PRMT8: variants seen among roughly 807,000 people sequenced by gnomAD.
PRMT8 encodes protein arginine methyltransferase 8.
A neutral mutation model predicts 47.1 loss-of-function variants in PRMT8; 7 were observed. That is an observed-to-expected ratio of 0.15 (90% CI 0.08 to 0.28). The LOEUF (loss-of-function observed/expected upper bound fraction) is 0.28, where lower values mean the gene tolerates loss of function less well. Among genes scored for constraint, PRMT8 ranks in the 10% least tolerant of loss-of-function variants. The probability of loss-of-function intolerance (pLI) is 1.00; values close to 1 mark genes in which losing one functional copy is unlikely to be tolerated. For missense variants in PRMT8, 237 were observed against 505.4 expected (o/e 0.47, Z 5.09); for synonymous variants, 188 against 186.5 (o/e 1.01, Z -0.07).
At chr12:3,478,307 T>TCTATCTACCTATCTAC (rs369719549) in intron 1 of PRMT8, among the ~76,000 whole-genome samples, 1 of 135,618 alleles carries the variant, frequency 7.4e-6, no homozygotes, top group Non-Finnish European at 1.6e-5. Flanking sequence ...TATCTATCTA[T>TCTATCTACCTATCTAC]CTACCTACCT....
chr12:3,468,321 C>G (rs994391205), intron 1 of PRMT8, among the ~76,000 whole-genome samples: 7 of 152,132 alleles, frequency 4.6e-5, no homozygotes, highest in Non-Finnish European at 8.8e-5. Context: ...CCATTCCCAT[C>G]GGCCAGGAGG....
chr12:3,527,944 C>T lies in PRMT8; in HGVS notation c.76-12662C>T, dbSNP rs1234481014. On this transcript the variant is annotated intron_variant, in intron 1 of 9. Coordinates refer to ENST00000382622, the MANE Select transcript of PRMT8 (RefSeq NM_019854.5). ...CTAAGTTGACAGTTTTTTCTTTTAT[C>T]TTTTTGGTCCTCTGAAGATGTTGCT... is the stretch of plus-strand genomic sequence containing the variant. 3.3e-5 allele frequency among the ~76,000 whole-genome samples: 5 copies of T among 152,006 alleles called. No homozygotes were observed. In the East Asian group the frequency reaches 9.6e-4, roughly 29 times the overall value.
intron 1 of PRMT8, among the ~76,000 whole-genome samples, chr12:3,427,587 A>G (rs1405928149): frequency 2.0e-5 from 3 of 151,536 alleles, no homozygotes; most frequent in African/African-American, 7.3e-5. Flanking sequence ...CACACCTTGC[A>G]CATAAACTGT....
chr12:3,579,636 G>C (rs1565448133), intron 7 of PRMT8, among the ~76,000 whole-genome samples: 1 of 152,138 alleles, frequency 6.6e-6, no homozygotes, highest in Non-Finnish European at 1.5e-5. Context: ...CCTTCCGCCA[G>C]CTCTCTCCTG....
At chr12:3,475,276 T>C (rs1176782472) in intron 1 of PRMT8, among the ~76,000 whole-genome samples, 1 of 152,106 alleles carries the variant, frequency 6.6e-6, no homozygotes. Context: ...AGAGGAAGTT[T>C]GGGAGGGGAA....
intron 4 of PRMT8, among the ~76,000 whole-genome samples, chr12:3,567,346 A>C (rs920363126): frequency 1.3e-5 from 2 of 152,244 alleles, no homozygotes; most frequent in African/African-American, 4.8e-5. Context: ...TCTGGCACTT[A>C]AACCTAGGTT....
At chr12:3,431,716 T>C (rs1177081355) in intron 1 of PRMT8, among the ~76,000 whole-genome samples, 2 of 152,210 alleles carry the variant, frequency 1.3e-5, no homozygotes, top group Non-Finnish European at 1.5e-5. Flanking sequence ...TCTAGAGACA[T>C]TGGCCAGAAC....
At position 3,564,691 on chromosome 12, in the gene PRMT8, A is replaced by G. The variant is rs897340137; in HGVS notation, c.482-4015A>G. Among the ~76,000 whole-genome samples the G allele has an allele frequency of 2.0e-5, 3 of 152,230 alleles. No individual in the cohort carries two copies. The highest frequency in any genetic ancestry group is 4.4e-5 in the Non-Finnish European group (3 of 68,030). On this transcript the variant is annotated intron_variant, in intron 4 of 9. Coordinates refer to ENST00000382622, the MANE Select transcript of PRMT8 (RefSeq NM_019854.5). The surrounding 1 kb of genome is among the most constrained non-coding windows in gnomAD (Gnocchi z 4.0). ...GGATCCGGACGGTGACCTCAGTGCA[A>G]CCTTGAGTTGATGCAGTTTTAGTGA...
At chr12:3,526,934 C>A (rs1438699166) in intron 1 of PRMT8, among the ~76,000 whole-genome samples, 1 of 152,046 alleles carries the variant, frequency 6.6e-6, no homozygotes, top group African/African-American at 2.4e-5. Context: ...AAAGTGATAA[C>A]CTCTAACCTC....
chr12:3,559,048 T>TCCAGCCAG (rs750707259), intron 4 of PRMT8, among the ~76,000 whole-genome samples: 3 of 152,038 alleles, frequency 2.0e-5, no homozygotes, highest in African/African-American at 7.3e-5. Flanking sequence ...TGTCCATCCA[T>TCCAGCCAG]CCAGCCAGCC....
At chr12:3,483,865 A>C (rs1242023723) in intron 1 of PRMT8, among the ~76,000 whole-genome samples, 12 of 152,238 alleles carry the variant, frequency 7.9e-5, no homozygotes, top group Non-Finnish European at 2.9e-5. Context: ...CTTACAGCCC[A>C]GTAGCCTGTA....
chr12:3,452,991 A>G (rs1177544625), intron 1 of PRMT8, among the ~76,000 whole-genome samples: 2 of 152,180 alleles, frequency 1.3e-5, no homozygotes, highest in African/African-American at 4.8e-5. Flanking sequence ...CCACACAAAG[A>G]AAACATTCCT....
rs535256656 is a variant in PRMT8 at position 3,475,572 on chromosome 12, G to A, written c.49-65034G>A. Among the ~76,000 whole-genome samples, 43 of 152,322 alleles carry A rather than the reference G, an allele frequency of 2.8e-4. No individual in the cohort carries two copies. In the Middle Eastern group the frequency reaches 0.01, roughly 36 times the overall value. ...GGCTCACCAGCCCTCTGTCCGCAGC[G>A]TCCTTATGTCTAGAGAACGCTACCA... On this transcript the variant is annotated intron_variant, in intron 1 of 9. Coordinates refer to the PRMT8 transcript ENST00000452611.
rs1159449878 is a variant in PRMT8, at chr12:3,484,722, CACTT to C, written c.49-55879_49-55876del. ...GCTCTGTTAAACGCCTCCTTCATCT[CACTT>C]ACTTCCTCTCTCAGCCTCCCTCACA... On this transcript the variant is annotated intron_variant, in intron 1 of 9. Coordinates refer to the PRMT8 transcript ENST00000452611. Among the ~76,000 whole-genome samples, 4 of 152,330 alleles carry C rather than the reference CACTT, an allele frequency of 2.6e-5. No homozygotes were observed. The East Asian group carries it at 7.7e-4, about 29-fold the overall frequency.
chr12:3,413,055 G>A (rs1317354647), intron 1 of PRMT8, among the ~76,000 whole-genome samples: 1 of 152,160 alleles, frequency 6.6e-6, no homozygotes, highest in Non-Finnish European at 1.5e-5. Flanking sequence ...GTAATTTGAG[G>A]TTCTAGGTGA....
intron 2 of PRMT8, 46 bp from the exon 3 acceptor site, chr12:3,549,890 G>A (rs1440687108): frequency 2.5e-6 from 4 of 1,604,984 alleles, no homozygotes; most frequent in Non-Finnish European, 3.4e-6. Flanking sequence ...GTACACCCAG[G>A]TGTCTTGAAT....
intron 8 of PRMT8, among the ~76,000 whole-genome samples, chr12:3,585,490 C>T (rs1268716144): frequency 6.6e-6 from 1 of 150,906 alleles, no homozygotes; most frequent in Non-Finnish European, 1.5e-5. Flanking sequence ...ACCCAAGTAG[C>T]TGGGACTACA....
chr12:3,529,958 A>G (rs1250816181), intron 1 of PRMT8, among the ~76,000 whole-genome samples: 1 of 152,164 alleles, frequency 6.6e-6, no homozygotes, highest in South Asian at 2.1e-4. Flanking sequence ...TAACAAATAC[A>G]CTTAGATCTG....
intron 1 of PRMT8, among the ~76,000 whole-genome samples, chr12:3,424,199 A>G (rs1406793250): frequency 1.3e-5 from 2 of 152,170 alleles, no homozygotes; most frequent in African/African-American, 4.8e-5. Flanking sequence ...TATTTACTCG[A>G]GGATCCAGTC....
Sources: allele counts gnomAD v4.1 joint callset (sites outside exome capture counted in the v4.1 genomes callset), GRCh38; gene constraint gnomAD v4.1.1; non-coding constraint Gnocchi (gnomAD v3.1); transcripts MANE v1.5; gene names NCBI Gene and HGNC (gene_info 2026-07-23, HGNC 2026-07-21).